KLHL13: variants seen among roughly 807,000 people sequenced by gnomAD.
KLHL13 encodes the protein kelch-like protein 13.
Under a neutral mutation model 37.1 loss-of-function variants are expected in KLHL13, and 10 were observed. That is an observed-to-expected ratio of 0.27 (90% CI 0.17 to 0.46). The LOEUF (loss-of-function observed/expected upper bound fraction) is 0.46. Ranked by LOEUF, KLHL13 falls within the 20% of genes least tolerant of loss-of-function variation. The pLI is 1.00. For synonymous variants in KLHL13, 163 were observed against 181.2 expected (o/e 0.90, Z 0.81); for missense variants, 360 against 509.3 (o/e 0.71, Z 2.82).
chrX:118,019,675 T>A (rs1206906273), intron 1 of KLHL13, among the ~76,000 whole-genome samples: 1 of 111,047 alleles, frequency 9.0e-6, no homozygotes, highest in Non-Finnish European at 1.9e-5. Flanking sequence ...TTGTATAAGG[T>A]GTAAGGAAGA....
intron 1 of KLHL13, among the ~76,000 whole-genome samples, chrX:118,076,045 T>G (rs775111770): frequency 2.2e-4 from 25 of 111,914 alleles, no homozygotes; most frequent in African/African-American, 7.8e-4. Context: ...ACAGACCAGT[T>G]TCTAATTTTA....
At chrX:117,985,474 T>C (rs751461101) in intron 1 of KLHL13, 22 of 418,247 alleles carry the variant, frequency 5.3e-5, no homozygotes, top group Non-Finnish European at 6.6e-5. Context: ...ACCTATGTAC[T>C]GCATACCTTC....
At chrX:117,899,875 T>C (rs1223082467) in intron 6 of KLHL13, among the ~76,000 whole-genome samples, 1 of 112,172 alleles carries the variant, frequency 8.9e-6, no homozygotes, top group African/African-American at 3.2e-5. Flanking sequence ...GCATCAGGAT[T>C]GTGACTCTGA....
At chrX:118,005,084 A>T (rs781290872) in intron 1 of KLHL13, among the ~76,000 whole-genome samples, 1 of 111,902 alleles carries the variant, frequency 8.9e-6, no homozygotes, top group African/African-American at 3.2e-5. Context: ...TCTGCTGTCA[A>T]TAACACTTTT....
At chrX:118,001,517 A>G (rs1306934965) in intron 1 of KLHL13, among the ~76,000 whole-genome samples, 4 of 111,832 alleles carry the variant, frequency 3.6e-5, no homozygotes, top group Non-Finnish European at 5.6e-5. Context: ...AATGAACATG[A>G]GTATACAAGG....
At chrX:117,906,049 C>T (rs1930509085) in intron 5 of KLHL13, among the ~76,000 whole-genome samples, 1 of 111,479 alleles carries the variant, frequency 9.0e-6, no homozygotes, top group African/African-American at 3.3e-5. Context: ...ATCCCCTCTT[C>T]CTGCCACCCA....
rs193157747 is a variant in KLHL13, at chrX:117,978,742, C to T, written c.-55-33167G>A. ...AATGGGAAATTCAGAAGTTCTTGCC[C>T]TTCCTTCTTCATTTTGTTTTCTGGC... On this transcript the variant is annotated intron_variant, in intron 1 of 6. Coordinates refer to the KLHL13 transcript ENST00000371882. Among the ~76,000 whole-genome samples, 148 of 106,479 alleles carry T rather than the reference C, an allele frequency of 1.4e-3. 2 individuals are homozygous for T. The highest frequency in any genetic ancestry group is 4.9e-3 in the African/African-American group (143 of 29,289). The allele number at this position is 106,479 out of a possible 115,157, so 92.5% of individuals were successfully genotyped here.
At chrX:117,945,474 C>T (rs1289525349) in exon 2 of KLHL13, 2 of 1,209,962 alleles carry the variant, frequency 1.7e-6, no homozygotes, top group Admixed American at 2.2e-5. Flanking sequence ...GGTAAAGATG[C>T]GTGTAGGTCC....
intron 1 of KLHL13, among the ~76,000 whole-genome samples, chrX:118,106,923 T>G (rs2055353909): frequency 8.9e-6 from 1 of 112,153 alleles, no homozygotes; most frequent in Non-Finnish European, 1.9e-5. Context: ...TGATAAAAAC[T>G]TGAAATAACC....
Position 118,024,010 on chromosome X carries a change from T to C in KLHL13, c.-55-78435A>G, listed in dbSNP as rs746623475. On this transcript the variant is annotated intron_variant, in intron 1 of 6. Transcript: ENST00000371882. ...ATCACATTACTTAGAATCAGAATTA[T>C]ATTTCTTTCAAAGGGGCTTTATTTA... 4.5e-5 allele frequency among the ~76,000 whole-genome samples: 5 copies of C among 112,304 alleles called. No individual in the cohort carries two copies. The South Asian group carries it at 1.8e-3, about 41-fold the overall frequency.
chrX:117,944,742 C>A (rs1239508541), intron 2 of KLHL13, among the ~76,000 whole-genome samples: 1 of 111,478 alleles, frequency 9.0e-6, no homozygotes, highest in Non-Finnish European at 1.9e-5. Flanking sequence ...TCAGCAATGC[C>A]CACAGAAGTC....
At chrX:118,021,868 T>C (rs2054219509) in intron 1 of KLHL13, among the ~76,000 whole-genome samples, 1 of 111,693 alleles carries the variant, frequency 9.0e-6, no homozygotes, top group South Asian at 3.8e-4. Flanking sequence ...TGTAAAAGTG[T>C]TCCTATTTCT....
intron 6 of KLHL13, among the ~76,000 whole-genome samples, chrX:117,899,649 T>C (rs1929964855): frequency 8.9e-6 from 1 of 112,199 alleles, no homozygotes; most frequent in Admixed American, 9.4e-5. Context: ...CTTTCTCAAA[T>C]GTAGATCCCT....
chrX:118,108,487 T>A (rs1651957512), intron 1 of KLHL13, among the ~76,000 whole-genome samples: 1 of 112,452 alleles, frequency 8.9e-6, no homozygotes, highest in Admixed American at 9.4e-5. Context: ...AACCATCACG[T>A]TGTAACAGGC....
chrX:117,910,469 T>C (rs191661147), intron 4 of KLHL13, among the ~76,000 whole-genome samples: 3 of 89,970 alleles, frequency 3.3e-5, no homozygotes, highest in East Asian at 6.8e-4. Flanking sequence ...AAATAGAAGG[T>C]TGTTCTATTA....
intron 1 of KLHL13, among the ~76,000 whole-genome samples, chrX:118,037,414 A>T (rs1479780381): frequency 2.3e-5 from 2 of 88,113 alleles, no homozygotes; most frequent in East Asian, 7.3e-4. Context: ...CTATGCAGCC[A>T]TAAAAAATGA....
intron 1 of KLHL13, among the ~76,000 whole-genome samples, chrX:118,057,092 C>A (rs1250127945): frequency 9.0e-6 from 1 of 111,526 alleles, no homozygotes; most frequent in Non-Finnish European, 1.9e-5. Flanking sequence ...TCACACTTCC[C>A]AATTTCAAAA....
At chrX:118,024,269 G>C (rs2054251335) in intron 1 of KLHL13, among the ~76,000 whole-genome samples, 1 of 112,046 alleles carries the variant, frequency 8.9e-6, no homozygotes, top group Non-Finnish European at 1.9e-5. Context: ...TCTCTGGTTT[G>C]CGGTCAAGAA....
intron 1 of KLHL13, among the ~76,000 whole-genome samples, chrX:118,071,519 AT>A (rs1438069822): frequency 3.6e-5 from 4 of 111,028 alleles, no homozygotes; most frequent in African/African-American, 1.3e-4. Context: ...GATGGTGAGC[AT>A]TTTTTTCATG....
Sources: gnomAD v4.1 joint callset for allele counts (sites outside exome capture counted in the v4.1 genomes callset) on GRCh38, gnomAD v4.1.1 for gene constraint, MANE v1.5 for transcripts, NCBI Gene and HGNC (gene_info 2026-07-23, HGNC 2026-07-21) for gene names.